OR6N1: variants seen among roughly 807,000 people sequenced by gnomAD.
The protein encoded by OR6N1 is olfactory receptor 6N1.
For synonymous variants in OR6N1, 170 were observed against 150.7 expected, an observed-to-expected ratio of 1.13 and a Z score of -0.94; for missense variants, 394 against 371.7, an observed-to-expected ratio of 1.06 and a Z score of -0.49.
the OR6N1 span, among the ~76,000 whole-genome samples, chr1:158,818,538 T>C: frequency 3.4e-3 from 510 of 152,224 alleles, 3 homozygotes; most frequent in African/African-American, 0.012. Flanking sequence ...GGGGAGGCAC[T>C]CTAAAATATG....
the OR6N1 span, among the ~76,000 whole-genome samples, chr1:158,815,552 G>T: frequency 6.6e-6 from 1 of 152,218 alleles, no homozygotes; most frequent in East Asian, 1.9e-4. Context: ...GGGTCACTTT[G>T]GTCACTTGGG....
At chr1:158,794,285 C>A in the OR6N1 span, among the ~76,000 whole-genome samples, 1 of 152,182 alleles carries the variant, frequency 6.6e-6, no homozygotes, top group Non-Finnish European at 1.5e-5. Context: ...TAAAGACATT[C>A]CCCAACTAGC....
At chr1:158,788,975 T>C in the OR6N1 span, among the ~76,000 whole-genome samples, 1 of 152,148 alleles carries the variant, frequency 6.6e-6, no homozygotes, top group South Asian at 2.1e-4. Context: ...ACCATAGAAA[T>C]TGACAAAATA....
the OR6N1 span, chr1:158,809,126 C>T: frequency 2.0e-5 from 3 of 152,924 alleles, no homozygotes; most frequent in African/African-American, 7.2e-5. Flanking sequence ...CATACCACAC[C>T]TCTACAAAGG....
At chr1:158,826,871 G>A in the OR6N1 span, among the ~76,000 whole-genome samples, 68 of 152,178 alleles carry the variant, frequency 4.5e-4, no homozygotes, top group Middle Eastern at 3.4e-3. Context: ...TGGTATAGTA[G>A]GACAAGCAGA....
At chr1:158,777,409 G>C in the OR6N1 span, 1 of 1,614,138 alleles carries the variant, frequency 6.2e-7, no homozygotes, top group Non-Finnish European at 8.5e-7. Context: ...AGGGATAGTG[G>C]TAGCTGTATA....
the OR6N1 span, among the ~76,000 whole-genome samples, chr1:158,801,393 G>A: frequency 6.6e-6 from 1 of 152,000 alleles, no homozygotes; most frequent in South Asian, 2.1e-4. Flanking sequence ...AGAACTGCAG[G>A]GTTACATGAA....
the OR6N1 span, among the ~76,000 whole-genome samples, chr1:158,787,249 T>G: frequency 0.12 from 18,736 of 152,048 alleles, 1,320 homozygotes; most frequent in African/African-American, 0.18. Flanking sequence ...ATGATTGAAA[T>G]CTTCCTGAAG....
the OR6N1 span, among the ~76,000 whole-genome samples, chr1:158,826,348 CTA>C: frequency 6.6e-6 from 1 of 151,780 alleles, no homozygotes; most frequent in African/African-American, 2.4e-5. Context: ...AAAGAAATGA[CTA>C]TATTTTATTT....
At chr1:158,772,961 G>C (rs1184465989), upstream of OR6N1, among the ~76,000 whole-genome samples, 1 of 151,950 alleles carries the variant, frequency 6.6e-6, no homozygotes. Context: ...ATAATTATTT[G>C]TCAGATAAAA....
At chr1:158,786,563 A>T in the OR6N1 span, among the ~76,000 whole-genome samples, 11 of 152,336 alleles carry the variant, frequency 7.2e-5, no homozygotes, top group Middle Eastern at 3.4e-3. Flanking sequence ...TAGCAGCACG[A>T]TTTGCAATTG....
At chr1:158,786,218 A>G in the OR6N1 span, among the ~76,000 whole-genome samples, 4 of 152,206 alleles carry the variant, frequency 2.6e-5, no homozygotes, top group African/African-American at 4.8e-5. Flanking sequence ...AAGAATACAC[A>G]AACAGCCAAC....
At chr1:158,811,796 T>A in the OR6N1 span, among the ~76,000 whole-genome samples, 2 of 152,184 alleles carry the variant, frequency 1.3e-5, no homozygotes. Context: ...AACCATTGAG[T>A]CTCTTCATAC....
chr1:158,834,414 G>A, the OR6N1 span, among the ~76,000 whole-genome samples: 1 of 151,926 alleles, frequency 6.6e-6, no homozygotes, highest in African/African-American at 2.4e-5. Context: ...TGTATTTTTA[G>A]TAGAGAAGGG....
the OR6N1 span, among the ~76,000 whole-genome samples, chr1:158,782,457 A>G: frequency 2.6e-5 from 4 of 152,258 alleles, no homozygotes; most frequent in African/African-American, 4.8e-5. Flanking sequence ...GAACATACCC[A>G]TAATCTAACA....
the OR6N1 span, among the ~76,000 whole-genome samples, chr1:158,786,191 A>G: frequency 6.6e-6 from 1 of 152,188 alleles, no homozygotes; most frequent in African/African-American, 2.4e-5. Flanking sequence ...AAGGACATGA[A>G]TAGAAAACTC....
rs1383233891 is a variant in OR6N1 at position 158,764,833 on chromosome 1, T to G, written c.*911A>C. 6.6e-6 allele frequency: 1 copy of G among 152,100 alleles called. No homozygotes were observed. Among genetic ancestry groups the G allele is most frequent in the Non-Finnish European group, 1.5e-5 (1 of 67,990 alleles). The allele number at this position is 152,100 out of a possible 1,614,324, so 9.4% of individuals were successfully genotyped here. ...ACTCCTATACTTTCATACATTATAC[T>G]GGCCATAGATATTAGGACCACTAAG... On this transcript the variant is annotated 3_prime_UTR_variant, in exon 2 of 2. Coordinates refer to ENST00000641846, the MANE Select transcript of OR6N1 (RefSeq NM_001005185.2).
At chr1:158,772,306 G>C (rs1011871077), upstream of OR6N1, 2 of 152,058 alleles carry the variant, frequency 1.3e-5, no homozygotes, top group Non-Finnish European at 2.9e-5. Flanking sequence ...AGACCTCCTG[G>C]GGTCACTAAA....
chr1:158,770,055 G>T (rs1388848295), intron 1 of OR6N1, among the ~76,000 whole-genome samples: 1 of 152,112 alleles, frequency 6.6e-6, no homozygotes, highest in Non-Finnish European at 1.5e-5. Context: ...TTCTAGAGCT[G>T]CCTCTTTCCT....
Sources: allele counts gnomAD v4.1 joint callset (sites outside exome capture counted in the v4.1 genomes callset), GRCh38; gene constraint gnomAD v4.1.1; transcripts MANE v1.5; gene names NCBI Gene and HGNC (gene_info 2026-07-23, HGNC 2026-07-21).